The following MAP6 variants were observed in gnomAD, a reference collection of about 807,000 sequenced individuals.
The protein encoded by MAP6 is microtubule-associated protein 6.
In MAP6, 26 loss-of-function variants were observed where a neutral mutation model predicts 42.4. That is an observed-to-expected ratio of 0.61 (90% CI 0.45 to 0.85). The LOEUF (loss-of-function observed/expected upper bound fraction) is 0.85, where lower values mean the gene tolerates loss of function less well. Ranked by LOEUF, MAP6 falls within the 40% of genes least tolerant of loss-of-function variation. MAP6 has a pLI of 0.00. For missense variants in MAP6, 966 were observed against 1,099.0 expected (o/e 0.88, Z 1.71); for synonymous variants, 418 against 443.8 (o/e 0.94, Z 0.73).
chr11:75,630,837 C>G (rs1943273673), intron 1 of MAP6, among the ~76,000 whole-genome samples: 1 of 152,200 alleles, frequency 6.6e-6, no homozygotes, highest in Non-Finnish European at 1.5e-5. Context: ...ATAACAAGGA[C>G]TTATTACCTT....
At chr11:75,617,998 G>C (rs917236868) in intron 1 of MAP6, among the ~76,000 whole-genome samples, 2 of 152,132 alleles carry the variant, frequency 1.3e-5, no homozygotes, top group African/African-American at 4.8e-5. Flanking sequence ...GTGGGAGGGA[G>C]TGTTGCTCCT....
intron 1 of MAP6, among the ~76,000 whole-genome samples, chr11:75,636,533 T>A (rs1421155590): frequency 6.6e-6 from 1 of 152,178 alleles, no homozygotes; most frequent in Non-Finnish European, 1.5e-5. Context: ...AGCCCCCACA[T>A]ACACCCCAGG....
chr11:75,644,849 C>T (rs1274879469), intron 1 of MAP6, among the ~76,000 whole-genome samples: 1 of 152,100 alleles, frequency 6.6e-6, no homozygotes, highest in Non-Finnish European at 1.5e-5. Context: ...AGAAATGCTA[C>T]ATAAAATATA....
At chr11:75,631,813 A>T (rs1943288582) in intron 1 of MAP6, among the ~76,000 whole-genome samples, 1 of 152,214 alleles carries the variant, frequency 6.6e-6, no homozygotes, top group African/African-American at 2.4e-5. Flanking sequence ...CTGTCGCAGG[A>T]GATAGGCACT....
chr11:75,667,716 G>C lies in MAP6; in HGVS notation c.654C>G (p.Ala218=), dbSNP rs1403862650. 4 of 1,288,124 alleles carry C rather than the reference G, an allele frequency of 3.1e-6. No individual in the cohort carries two copies. Among genetic ancestry groups the C allele is most frequent in the Non-Finnish European group, 2.9e-6 (3 of 1,021,238 alleles). The allele number at this position is 1,288,124 out of a possible 1,614,324, so 79.8% of individuals were successfully genotyped here. A position where few individuals can be genotyped will look rare whatever the true frequency, so the allele number is the denominator to read the frequency against. Reference sequence around the variant, plus strand: ...CCGCCAGGCCACCCGCTCCGCCGGGGGCCGCCTCCTGCTCCCGGGCCTCAG... The same window carrying C: ...CCGCCAGGCCACCCGCTCCGCCGGGCGCCGCCTCCTGCTCCCGGGCCTCAG... The part of the protein sequence containing the change: ...AAAEAREQEA[A]PGGAGGLAAG... The change falls in exon 1 of 4, where the codon GCC becomes GCG. Residue 218 remains alanine (A), a synonymous_variant. Transcript: ENST00000304771. This position sits in a 1 kb window ranked among gnomAD's most constrained non-coding sequence, Gnocchi z 5.6.
At chr11:75,593,205 T>C (rs552304081) in intron 3 of MAP6, among the ~76,000 whole-genome samples, 7 of 152,268 alleles carry the variant, frequency 4.6e-5, no homozygotes, top group Non-Finnish European at 1.0e-4. Context: ...CACATCATTG[T>C]ATCCTCTGTA....
chr11:75,627,899 G>A (rs778752820), intron 1 of MAP6, among the ~76,000 whole-genome samples: 4 of 152,180 alleles, frequency 2.6e-5, no homozygotes, highest in South Asian at 4.1e-4. Flanking sequence ...CAGGCACAAG[G>A]TCACAATGCA....
In MAP6 at chr11:75,587,796, G is replaced by A. The variant is rs751986376; in HGVS notation, c.1705C>T (p.Pro569Ser). ...ACCATAGGAGCTTGATTCTTCACAG[G>A]CTCAGGAATCCTAGGACCTTGATCC... ...LKDQGPRIPE[P>S]VKNQAPMVPA... The change falls in exon 4 of 4, where the codon CCT becomes TCT. Residue 569 changes from proline (P) to serine (S), a missense_variant. Transcript: ENST00000304771. 1 of 1,614,098 alleles carries A rather than the reference G, an allele frequency of 6.2e-7. No individual in the cohort carries two copies. The highest frequency in any genetic ancestry group is 8.5e-7 in the Non-Finnish European group (1 of 1,180,008).
At chr11:75,637,915 G>C (rs935152517) in intron 1 of MAP6, among the ~76,000 whole-genome samples, 1 of 150,654 alleles carries the variant, frequency 6.6e-6, no homozygotes, top group East Asian at 2.0e-4. Flanking sequence ...AAGGAGGGAG[G>C]GAAAGAAGGA....
At chr11:75,652,252 C>T (rs933498326) in intron 1 of MAP6, among the ~76,000 whole-genome samples, 1 of 152,134 alleles carries the variant, frequency 6.6e-6, no homozygotes, top group African/African-American at 2.4e-5. Context: ...AGGAAGTTTG[C>T]CCACCACTGG....
At chr11:75,608,470 T>A in intron 1 of MAP6, 148 bp from the exon 2 acceptor site, 1 of 673,926 alleles carries the variant, frequency 1.5e-6, no homozygotes, top group Non-Finnish European at 2.5e-6. Flanking sequence ...CACTCTTTCA[T>A]AAGGAAGAGT....
intron 3 of MAP6, chr11:75,594,491 G>A (rs995474389): frequency 6.6e-6 from 1 of 152,106 alleles, no homozygotes; most frequent in Non-Finnish European, 1.5e-5. Context: ...AACAACTCTC[G>A]CTCCGCCTCT....
intron 1 of MAP6, among the ~76,000 whole-genome samples, chr11:75,657,507 C>G (rs755114629): frequency 6.6e-6 from 1 of 152,158 alleles, no homozygotes; most frequent in African/African-American, 2.4e-5. Context: ...TGCTAGACAT[C>G]CTGCAATGCA....
chr11:75,592,188 CTG>C (rs1942489857), intron 3 of MAP6, among the ~76,000 whole-genome samples: 1 of 152,198 alleles, frequency 6.6e-6, no homozygotes, highest in Non-Finnish European at 1.5e-5. Context: ...CCTGGTCTTC[CTG>C]CCTGTGTCTC....
chr11:75,613,301 C>A (rs1338941686), intron 1 of MAP6, among the ~76,000 whole-genome samples: 5 of 151,096 alleles, frequency 3.3e-5, no homozygotes, highest in Non-Finnish European at 7.4e-5. Flanking sequence ...CATAGGAATG[C>A]CTGACTCCAA....
At position 75,608,261 on chromosome 11, in the gene MAP6, A is replaced by T. The variant is rs1480213555; in HGVS notation, c.967T>A (p.Tyr323Asn). 6.2e-7 allele frequency: 1 copy of T among 1,614,186 alleles called. No homozygotes were observed. Among genetic ancestry groups the T allele is most frequent in the Admixed American group, 1.7e-5 (1 of 60,032 alleles). ...PVKPIKAKPQ[Y>N]KPPDDKMVHE... ...ACCATCTTATCATCTGGGGGCTTGTACTGGGGCTTGGCCTTTATTGGTTTC... is the reference window on the plus strand; with the variant it reads ...ACCATCTTATCATCTGGGGGCTTGTTCTGGGGCTTGGCCTTTATTGGTTTC... Residue 323 changes from tyrosine to asparagine, a missense_variant, in exon 2 of 4, where the codon TAC becomes AAC. Tyr to Asn is a moderately radical substitution (Grantham distance 143). Around this residue, in one of 2 missense-constraint regions of MAP6, gnomAD observed 943 missense variants for 1,049.9 expected, o/e 0.90. Coordinates refer to ENST00000304771, the MANE Select transcript of MAP6 (RefSeq NM_033063.2).
chr11:75,632,274 T>G (rs986750882), intron 1 of MAP6, among the ~76,000 whole-genome samples: 9 of 152,180 alleles, frequency 5.9e-5, no homozygotes, highest in African/African-American at 2.2e-4. Flanking sequence ...CTGTGTTCCA[T>G]TCCAACTCTG....
At chr11:75,647,012 G>T (rs187167178) in intron 1 of MAP6, among the ~76,000 whole-genome samples, 2 of 147,124 alleles carry the variant, frequency 1.4e-5, no homozygotes, top group African/African-American at 5.0e-5. Context: ...ACAGAGTCTT[G>T]CTCTGTCACC....
At chr11:75,600,172 G>A (rs1942641910) in intron 3 of MAP6, among the ~76,000 whole-genome samples, 1 of 152,164 alleles carries the variant, frequency 6.6e-6, no homozygotes, top group Non-Finnish European at 1.5e-5. Context: ...GACATGTTTA[G>A]TGTCCTCCAG....
Sources: allele counts gnomAD v4.1 joint callset (sites outside exome capture counted in the v4.1 genomes callset), GRCh38; gene constraint gnomAD v4.1.1; regional missense constraint gnomAD v4.1.1; non-coding constraint Gnocchi (gnomAD v3.1); transcripts MANE v1.5; gene names NCBI Gene and HGNC (gene_info 2026-07-23, HGNC 2026-07-21).